FITM1: variants seen among roughly 807,000 people sequenced by gnomAD.
FITM1 encodes fat storage inducing transmembrane protein 1.
In FITM1, 11 loss-of-function variants were observed where a neutral mutation model predicts 22.2. The ratio of observed to expected loss-of-function variants is 0.50; its 90% CI spans 0.31 to 0.82. The LOEUF is 0.82. Among genes scored for constraint, FITM1 ranks in the 40% least tolerant of loss-of-function variants. The pLI, the probability that FITM1 is intolerant of heterozygous loss-of-function variation, is 0.04. For missense variants in FITM1, 394 were observed against 386.4 expected (o/e 1.02, Z -0.17); for synonymous variants, 164 against 174.0 (o/e 0.94, Z 0.45).
At position 24,131,420 on chromosome 14, in the gene FITM1, C is replaced by G; in HGVS notation, c.-144C>G. ...CCCTGGCCCCTTACTGCCCCCCGCC[C>G]CTCTCCCCCACCTGCCAGCTGCCAA... On this transcript the variant is annotated 5_prime_UTR_variant, in exon 1 of 2. Transcript: ENST00000267426. The G allele has an allele frequency of 3.6e-6, 3 of 843,320 alleles. No homozygotes were observed. The highest frequency in any genetic ancestry group is 5.8e-6 in the Non-Finnish European group (3 of 514,732). 52.2% of individuals were successfully genotyped at this position (843,320 alleles called of 1,614,324 possible).
chr14:24,131,533 A>C lies in FITM1; in HGVS notation c.-31A>C. ...TCAGCCCCTCCTCAGCTGCCCAGCA[A>C]AGCAAGCAGTTAGTGGGGAGGGGAG... is the stretch of plus-strand genomic sequence containing the variant. On this transcript the variant is annotated 5_prime_UTR_variant, in exon 1 of 2. Transcript: ENST00000267426. 6.5e-7 allele frequency: 1 copy of C among 1,546,932 alleles called. No individual in the cohort carries two copies. The highest frequency in any genetic ancestry group is 8.7e-7 in the Non-Finnish European group (1 of 1,146,380).
chr14:24,132,712 C>T lies in FITM1; in HGVS notation c.768C>T (p.Gly256=). ...ACAAGGTGGTGGGCGCCGCAGTGGGCACCTTTGCCTGGTACCTCACCTATG... is the reference window on the plus strand; with the variant it reads ...ACAAGGTGGTGGGCGCCGCAGTGGGTACCTTTGCCTGGTACCTCACCTATG... The part of the protein sequence containing the change: ...YTHKVVGAAV[G]TFAWYLTYGS... Residue 256 remains glycine, a synonymous_variant, in exon 2 of 2, where the codon GGC becomes GGT. Transcript: ENST00000267426. The T allele has an allele frequency of 6.2e-7, 1 of 1,613,884 alleles. No homozygotes were observed. Among genetic ancestry groups the T allele is most frequent in the Non-Finnish European group, 8.5e-7 (1 of 1,179,998 alleles).
chr14:24,131,738 T>A lies in FITM1; in HGVS notation c.175T>A (p.Trp59Arg). 6.2e-7 allele frequency: 1 copy of A among 1,614,168 alleles called. No homozygotes were observed. Among genetic ancestry groups the A allele is most frequent in the Non-Finnish European group, 8.5e-7 (1 of 1,180,036 alleles). ...CTGCTTACGGCGCCTCTACCATGCC[T>A]GGCTGGCAGCAGTGGTCATCTTTGG... The part of the protein sequence containing the change: ...SPCLRRLYHA[W>R]LAAVVIFGPL... The change falls in exon 1 of 2, where the codon TGG (tryptophan) becomes AGG (arginine). Residue 59 changes from tryptophan to arginine, a missense_variant. By Grantham distance (101) the Trp-to-Arg change is moderately radical (BLOSUM62 -3). Coordinates refer to ENST00000267426, the MANE Select transcript of FITM1 (RefSeq NM_203402.3).
chr14:24,132,692 G>A lies in FITM1; in HGVS notation c.748G>A (p.Val250Met). The A allele has an allele frequency of 6.2e-7, 1 of 1,614,000 alleles. No homozygotes were observed. Among genetic ancestry groups the A allele is most frequent in the Non-Finnish European group, 8.5e-7 (1 of 1,180,018 alleles). Reference sequence around the variant, plus strand: ...CTATTTCCACCAGTACACTCACAAGGTGGTGGGCGCCGCAGTGGGCACCTT... The same window carrying A: ...CTATTTCCACCAGTACACTCACAAGATGGTGGGCGCCGCAGTGGGCACCTT... The part of the protein sequence containing the change: ...VIYFHQYTHK[V>M]VGAAVGTFAW... The change falls in exon 2 of 2, where the codon GTG (valine) becomes ATG (methionine). Residue 250 changes from valine to methionine, a missense_variant. Transcript: ENST00000267426.
intron 1 of FITM1, 39 bp downstream of exon 1, chr14:24,131,868 C>A: frequency 6.5e-7 from 1 of 1,532,728 alleles, no homozygotes. Flanking sequence ...GGTCCCTGCA[C>A]TCTGGGATCC....
In FITM1 at chr14:24,131,461, T is replaced by G; in HGVS notation, c.-103T>G. The G allele has an allele frequency of 8.6e-7, 1 of 1,159,224 alleles. No individual in the cohort carries two copies. The allele number at this position is 1,159,224 out of a possible 1,614,324, so 71.8% of individuals were successfully genotyped here. A position where few individuals can be genotyped will look rare whatever the true frequency, so the allele number is the denominator to read the frequency against. The stretch of plus-strand genomic sequence containing the variant: ...CAGCTGCCAACAGGGCTCTGCCTTG[T>G]GTCTGCCACACCTGTCACTGCCTAT... On this transcript the variant is annotated 5_prime_UTR_variant, in exon 1 of 2. Coordinates refer to ENST00000267426, the MANE Select transcript of FITM1 (RefSeq NM_203402.3).
In FITM1 at chr14:24,131,496, G is replaced by T. The variant is rs2037820873; in HGVS notation, c.-68G>T. 3.5e-6 allele frequency: 5 copies of T among 1,412,498 alleles called. No individual in the cohort carries two copies. In the South Asian group the frequency reaches 6.1e-5, roughly 17 times the overall value. 87.5% of individuals were successfully genotyped at this position (1,412,498 alleles called of 1,614,324 possible). On this transcript the variant is annotated 5_prime_UTR_variant, in exon 1 of 2. The change creates a new upstream start codon in the 5' untranslated region. Transcript: ENST00000267426. ...ACCTGTCACTGCCTATCCTTGTCCA[G>T]GGGGGGCCCCATCAGCCCCTCCTCA...
rs767970768 is a variant in FITM1 at position 24,132,344 on chromosome 14, GTGTGGCGGGGAGCCGGCCGGGCCTTCC to G, written c.403_429del (p.Trp135_Leu143del). On this transcript the variant is annotated inframe_deletion, in exon 2 of 2. Transcript: ENST00000267426. ...GAGCCGACTGGTAGTAGGGGCAGCCGTGTGGCGGGGAGCCGGCCGGGCCTTCCTGCTCATCGAGGACCTGACTGGCTC... is the reference window on the plus strand; with the variant it reads ...GAGCCGACTGGTAGTAGGGGCAGCCGTGCTCATCGAGGACCTGACTGGCTC... The G allele has an allele frequency of 6.2e-7, 1 of 1,614,048 alleles. No homozygotes were observed. Among genetic ancestry groups the G allele is most frequent in the Non-Finnish European group, 8.5e-7 (1 of 1,180,008 alleles).
chr14:24,132,216 T>C lies in FITM1; in HGVS notation c.272T>C (p.Phe91Ser), dbSNP rs1206093009. 1.2e-6 allele frequency: 2 copies of C among 1,608,404 alleles called. No homozygotes were observed. The highest frequency in any genetic ancestry group is 8.5e-7 in the Non-Finnish European group (1 of 1,178,470). The change falls in exon 2 of 2, where the codon TTT becomes TCT. Residue 91 changes from phenylalanine (F) to serine (S), a missense_variant. Transcript: ENST00000267426. ...TCTCCCTTCTTTGCCCACAGAAAAT[T>C]TGTGAATTCAGCCTGGGGCTGGACA... Reference protein sequence around the residue: ...ASHGNFFNIKFVNSAWGWTCT... With the variant: ...ASHGNFFNIKSVNSAWGWTCT...
chr14:24,130,701 G>A lies in FITM1; in HGVS notation c.-863G>A, dbSNP rs2037814537. Among the ~76,000 whole-genome samples, 1 of 152,216 alleles carries A rather than the reference G, an allele frequency of 6.6e-6. No individual in the cohort carries two copies. Among genetic ancestry groups the A allele is most frequent in the African/African-American group, 2.4e-5 (1 of 41,458 alleles). Reference sequence around the variant, plus strand: ...CGCCGCCTCAGCAGTCAGACTGGGAGGGCAGGCTTATATGGAGAGCCCTGA... The same window carrying A: ...CGCCGCCTCAGCAGTCAGACTGGGAAGGCAGGCTTATATGGAGAGCCCTGA... On this transcript the variant is annotated 5_prime_UTR_variant, in exon 1 of 2. Coordinates refer to ENST00000267426, the MANE Select transcript of FITM1 (RefSeq NM_203402.3).
Position 24,131,626 on chromosome 14 carries a change from G to GGATTCCAGCACA in FITM1, c.64_65insATTCCAGCACAG (p.Leu21_Gly22insAspSerSerThr). ...CCGGGGCCCGAATCCAGGCACTGCT[G>GGATTCCAGCACA]GGCTGCCTGCTCAAGGTGCTGCTCT... On this transcript the variant is annotated inframe_insertion, in exon 1 of 2. Transcript: ENST00000267426. 6.2e-7 allele frequency: 1 copy of GGATTCCAGCACA among 1,611,966 alleles called. No homozygotes were observed. Among genetic ancestry groups the GGATTCCAGCACA allele is most frequent in the Non-Finnish European group, 8.5e-7 (1 of 1,179,292 alleles).
At position 24,131,736 on chromosome 14, in the gene FITM1, C is replaced by A. The variant is rs1408307889; in HGVS notation, c.173C>A (p.Ala58Asp). 2.5e-6 allele frequency: 4 copies of A among 1,614,164 alleles called. No individual in the cohort carries two copies. Residue 58 changes from alanine (A) to aspartate (D), a missense_variant, in exon 1 of 2, where the codon GCC becomes GAC. By Grantham distance (126) the Ala-to-Asp change is moderately radical. Coordinates refer to ENST00000267426, the MANE Select transcript of FITM1 (RefSeq NM_203402.3). The part of the protein sequence containing the change: ...GSPCLRRLYH[A>D]WLAAVVIFGP... ...CCCTGCTTACGGCGCCTCTACCATG[C>A]CTGGCTGGCAGCAGTGGTCATCTTT...
rs751046629 is a variant in FITM1 at position 24,131,827 on chromosome 14, C to T, written c.264C>T (p.Asn88=). Reference sequence around the variant, plus strand: ...TCGCCAGCCACGGCAACTTCTTCAACATGTGAGTCCACTCAAGGCTGTGGG... The same window carrying T: ...TCGCCAGCCACGGCAACTTCTTCAATATGTGAGTCCACTCAAGGCTGTGGG... ...TIFASHGNFF[N]IKFVNSAWGW... The change falls in exon 1 of 2, where the codon AAC becomes AAT. Residue 88 remains asparagine (N), a splice_region_variant and synonymous_variant. Coordinates refer to ENST00000267426, the MANE Select transcript of FITM1 (RefSeq NM_203402.3). 6.3e-7 allele frequency: 1 copy of T among 1,580,634 alleles called. No individual in the cohort carries two copies. The highest frequency in any genetic ancestry group is 8.6e-7 in the Non-Finnish European group (1 of 1,161,384).
rs1331436641 is a variant in FITM1, at chr14:24,131,274, A to C, written c.-290A>C. On this transcript the variant is annotated 5_prime_UTR_variant, in exon 1 of 2. Transcript: ENST00000267426. ...AGCCCTGAACAGCTGGCCCTGTCAC[A>C]GGAACTGGAACATGGTCGGAGCCAA... 4.9e-6 allele frequency: 3 copies of C among 616,390 alleles called. No individual in the cohort carries two copies. The highest frequency in any genetic ancestry group is 8.8e-6 in the Non-Finnish European group (3 of 340,954). 38.2% of individuals were successfully genotyped at this position (616,390 alleles called of 1,614,324 possible).
Position 24,132,820 on chromosome 14 carries a change from C to T in FITM1, c.876C>T (p.Asn292=), listed in dbSNP as rs2037834455. 6 of 1,604,872 alleles carry T rather than the reference C, an allele frequency of 3.7e-6. No individual in the cohort carries two copies. Among genetic ancestry groups the T allele is most frequent in the Non-Finnish European group, 5.1e-6 (6 of 1,178,402 alleles). Residue 292 remains asparagine, a synonymous_variant, in exon 2 of 2, where the codon AAC becomes AAT. Transcript: ENST00000267426. ...FPRPHSSRKH[N] is the part of the protein sequence containing the mutation. ...GTCCCCACTCCAGCCGCAAGCATAA[C>T]TGAAAGAAATAAAAACCATCGGGCC...
intron 1 of FITM1, 180 bp downstream of exon 1, chr14:24,132,009 C>T: frequency 8.3e-7 from 1 of 1,211,022 alleles, no homozygotes; most frequent in Non-Finnish European, 1.1e-6. Flanking sequence ...GGGAACAGGA[C>T]TAAAGAGGAA....
rs1280899654 is a variant in FITM1 at position 24,131,373 on chromosome 14, C to T, written c.-191C>T. On this transcript the variant is annotated 5_prime_UTR_variant, in exon 1 of 2. Transcript: ENST00000267426. ...CTACCACACACCCGAGGCCAGGACC[C>T]TGCTGACGTGGCAGACCTCCACCCT... The T allele has an allele frequency of 1.4e-6, 1 of 703,720 alleles. No homozygotes were observed. The highest frequency in any genetic ancestry group is 2.0e-5 in the Admixed American group (1 of 49,788). 43.6% of individuals were successfully genotyped at this position (703,720 alleles called of 1,614,324 possible).
intron 1 of FITM1, 112 bp from the exon 2 acceptor site, chr14:24,132,099 A>C: frequency 6.9e-7 from 1 of 1,458,272 alleles, no homozygotes; most frequent in Non-Finnish European, 9.3e-7. Context: ...GGGCACGGCA[A>C]GGAGAGAACG....
rs748097132 is a variant in FITM1 at position 24,132,830 on chromosome 14, TA to T, written c.*12del. The T allele has an allele frequency of 6.2e-7, 1 of 1,601,052 alleles. No individual in the cohort carries two copies. ...CAGCCGCAAGCATAACTGAAAGAAA[TA>T]AAAACCATCGGGCCTGGCTGTGGCT... On this transcript the variant is annotated 3_prime_UTR_variant, in exon 2 of 2. Coordinates refer to ENST00000267426, the MANE Select transcript of FITM1 (RefSeq NM_203402.3).
Sources: gnomAD v4.1 joint callset for allele counts (sites outside exome capture counted in the v4.1 genomes callset) on GRCh38, gnomAD v4.1.1 for gene constraint, MANE v1.5 for transcripts, NCBI Gene and HGNC (gene_info 2026-07-23, HGNC 2026-07-21) for gene names.